PGGT1B: variants seen among roughly 807,000 people sequenced by gnomAD.
The protein encoded by PGGT1B is geranylgeranyl transferase type-1 subunit beta.
PGGT1B carries 30 observed loss-of-function variants against 46.1 expected under a neutral mutation model. That is an observed-to-expected ratio of 0.65 (90% CI 0.49 to 0.88). PGGT1B has a LOEUF of 0.88. PGGT1B is among the 40% of genes least tolerant of loss of function. PGGT1B has a pLI of 0.00. For missense variants in PGGT1B, 376 were observed against 455.9 expected (o/e 0.82, Z 1.60); for synonymous variants, 170 against 160.0 (o/e 1.06, Z -0.47).
chr5:115,258,066 T>G (rs567643920), intron 1 of PGGT1B, among the ~76,000 whole-genome samples: 2 of 152,234 alleles, frequency 1.3e-5, no homozygotes, highest in Non-Finnish European at 2.9e-5. Context: ...GTGGAATTAT[T>G]TAACTTGTAA....
intron 6 of PGGT1B, among the ~76,000 whole-genome samples, chr5:115,228,553 G>C (rs1299741061): frequency 6.6e-6 from 1 of 152,072 alleles, no homozygotes; most frequent in Non-Finnish European, 1.5e-5. Context: ...TCACGAGCTT[G>C]AACCAAGATC....
At position 115,237,991 on chromosome 5, in the gene PGGT1B, G is replaced by T. The variant is rs761868131; in HGVS notation, c.346C>A (p.Pro116Thr). The change falls in exon 4 of 9, where the codon CCT becomes ACT. Residue 116 changes from proline (P) to threonine (T), a missense_variant. By Grantham distance (38) the Pro-to-Thr change is conservative. Transcript: ENST00000419445. Reference protein sequence around the residue: ...NPSKAPGTAHPYDSGHIAMTY... With the variant: ...NPSKAPGTAHTYDSGHIAMTY... The stretch of plus-strand genomic sequence containing the variant: ...ATTGCAATGTGGCCACTATCATAAG[G>T]ATGAGCTGTTCCAGGAGCCTAAATA... The T allele has an allele frequency of 4.4e-6, 7 of 1,607,300 alleles. No individual in the cohort carries two copies. In the African/African-American group the frequency reaches 6.7e-5, roughly 15 times the overall value.
At chr5:115,259,209 T>C (rs574108897) in intron 1 of PGGT1B, among the ~76,000 whole-genome samples, 15 of 152,314 alleles carry the variant, frequency 9.8e-5, no homozygotes, top group African/African-American at 3.6e-4. Context: ...AAACAGTCTC[T>C]AACTTTAGCC....
intron 5 of PGGT1B, among the ~76,000 whole-genome samples, chr5:115,234,891 T>C (rs767269936): frequency 6.6e-6 from 1 of 152,082 alleles, no homozygotes; most frequent in Non-Finnish European, 1.5e-5. Flanking sequence ...TGTAAGGGGA[T>C]GCCTATGTAC....
intron 1 of PGGT1B, among the ~76,000 whole-genome samples, chr5:115,257,523 T>A (rs1228501604): frequency 7.4e-5 from 3 of 40,728 alleles, no homozygotes; most frequent in Non-Finnish European, 4.4e-5. Context: ...ATAGCAAAAC[T>A]CCATCTCAAA....
chr5:115,216,268 T>C (rs1217436502), intron 8 of PGGT1B, among the ~76,000 whole-genome samples: 2 of 152,160 alleles, frequency 1.3e-5, no homozygotes, highest in African/African-American at 2.4e-5. Flanking sequence ...GACTCCCGCA[T>C]AGCTGGGACT....
At chr5:115,251,521 T>C (rs1337893021) in intron 2 of PGGT1B, among the ~76,000 whole-genome samples, 1 of 151,924 alleles carries the variant, frequency 6.6e-6, no homozygotes, top group Non-Finnish European at 1.5e-5. Flanking sequence ...TAATCCTTAA[T>C]AGTGGGGGGA....
chr5:115,237,794 T>A, intron 4 of PGGT1B, 64 bp downstream of exon 4: 1 of 1,369,314 alleles, frequency 7.3e-7, no homozygotes, highest in Non-Finnish European at 1.0e-6. Context: ...TAGTACTGTA[T>A]CCATTTTTTA....
rs1230148420 is a variant in PGGT1B at position 115,208,934 on chromosome 5, T to C, written c.*3468A>G. ...GGTGTGCTTTCATTGTCTGTGAGGA[T>C]GTTGATCTATTTATTCTCTTATTTC... On this transcript the variant is annotated 3_prime_UTR_variant, in exon 9 of 9. Coordinates refer to ENST00000419445, the MANE Select transcript of PGGT1B (RefSeq NM_005023.4). 6.6e-6 allele frequency: 1 copy of C among 152,022 alleles called. No homozygotes were observed. The highest frequency in any genetic ancestry group is 2.4e-5 in the African/African-American group (1 of 41,426). 9.4% of individuals were successfully genotyped at this position (152,022 alleles called of 1,614,324 possible). A position where few individuals can be genotyped will look rare whatever the true frequency, so the allele number is the denominator to read the frequency against.
In PGGT1B at chr5:115,209,062, G is replaced by A. The variant is rs1157587215; in HGVS notation, c.*3340C>T. On this transcript the variant is annotated 3_prime_UTR_variant, in exon 9 of 9. Coordinates refer to ENST00000419445, the MANE Select transcript of PGGT1B (RefSeq NM_005023.4). ...TTCTGTACTTTTAGGAGGAAGGAGT[G>A]GCTCTAGGATGACTTCACAGCCTTA... The A allele has an allele frequency of 6.6e-6, 1 of 151,790 alleles. No individual in the cohort carries two copies. Among genetic ancestry groups the A allele is most frequent in the Non-Finnish European group, 1.5e-5 (1 of 67,938 alleles). 9.4% of individuals were successfully genotyped at this position (151,790 alleles called of 1,614,324 possible).
rs538580565 is a variant in PGGT1B, at chr5:115,218,365, G to A, written c.844-1392C>T. ...CTTGAAAGGGTTCTTATAGACTAAA[G>A]ATAGGACAATTTAAGCATTATATGT... On this transcript the variant is annotated intron_variant, in intron 7 of 8. Transcript: ENST00000419445. Among the ~76,000 whole-genome samples, 21 of 147,880 alleles carry A rather than the reference G, an allele frequency of 1.4e-4. No individual in the cohort carries two copies. In the South Asian group the frequency reaches 4.0e-3, roughly 28 times the overall value.
intron 1 of PGGT1B, among the ~76,000 whole-genome samples, chr5:115,254,949 G>A (rs955063656): frequency 8.5e-5 from 13 of 152,126 alleles, no homozygotes; most frequent in Non-Finnish European, 1.6e-4. Context: ...TATGTGGGAA[G>A]CAGTGTTGTA....
chr5:115,247,979 AT>A (rs747048739), intron 2 of PGGT1B, among the ~76,000 whole-genome samples: 98 of 152,194 alleles, frequency 6.4e-4, no homozygotes, highest in Non-Finnish European at 1.4e-3. Flanking sequence ...ATGACTTATA[AT>A]TTTTAAAATA....
chr5:115,249,548 G>T (rs553720293), intron 2 of PGGT1B, among the ~76,000 whole-genome samples: 1 of 152,132 alleles, frequency 6.6e-6, no homozygotes, highest in African/African-American at 2.4e-5. Flanking sequence ...TGGGAGTCAG[G>T]GTAGATCAGA....
chr5:115,250,673 A>G (rs1012501672), intron 2 of PGGT1B, among the ~76,000 whole-genome samples: 1 of 152,178 alleles, frequency 6.6e-6, no homozygotes, highest in Non-Finnish European at 1.5e-5. Context: ...GAAGTATAAT[A>G]AACATCAGAA....
At chr5:115,214,496 A>G (rs1271079058) in intron 8 of PGGT1B, among the ~76,000 whole-genome samples, 1 of 152,212 alleles carries the variant, frequency 6.6e-6, no homozygotes, top group Non-Finnish European at 1.5e-5. Flanking sequence ...ATTCACTAGA[A>G]TGAAGAATAA....
intron 8 of PGGT1B, among the ~76,000 whole-genome samples, chr5:115,213,722 T>A (rs1022872037): frequency 3.3e-5 from 5 of 152,114 alleles, no homozygotes; most frequent in Admixed American, 1.3e-4. Flanking sequence ...CAGTGAGGCA[T>A]GATTATATCA....
At chr5:115,236,601 T>G in intron 4 of PGGT1B, 79 bp from the exon 5 acceptor site, 2 of 833,538 alleles carry the variant, frequency 2.4e-6, no homozygotes, top group South Asian at 5.1e-5. Flanking sequence ...AAACACCTCC[T>G]GCTTGTCTTT....
In PGGT1B at chr5:115,210,136, T is replaced by C. The variant is rs1358722444; in HGVS notation, c.*2266A>G. The stretch of plus-strand genomic sequence containing the variant: ...ACAGGTTAAATTAGGCCATATGATC[T>C]GATTAATCTCATTTGTACACAGATG... On this transcript the variant is annotated 3_prime_UTR_variant, in exon 9 of 9. Transcript: ENST00000419445. 1 of 152,106 alleles carries C rather than the reference T, an allele frequency of 6.6e-6. No homozygotes were observed. Among genetic ancestry groups the C allele is most frequent in the Non-Finnish European group, 1.5e-5 (1 of 67,996 alleles). The allele number at this position is 152,106 out of a possible 1,614,324, so 9.4% of individuals were successfully genotyped here. A position where few individuals can be genotyped will look rare whatever the true frequency, so the allele number is the denominator to read the frequency against.
Sources: gnomAD v4.1 joint callset for allele counts (sites outside exome capture counted in the v4.1 genomes callset) on GRCh38, gnomAD v4.1.1 for gene constraint, MANE v1.5 for transcripts, NCBI Gene and HGNC (gene_info 2026-07-23, HGNC 2026-07-21) for gene names.